Variants in ATP11A observed in about 807,000 individuals in gnomAD.
The protein encoded by ATP11A is ATPase phospholipid transporting 11A.
ATP11A carries 81 observed loss-of-function variants against 154.4 expected under a neutral mutation model. That is an observed-to-expected ratio of 0.52 (90% CI 0.44 to 0.63). The LOEUF (loss-of-function observed/expected upper bound fraction) is 0.63. Ranked by LOEUF, ATP11A falls within the 30% of genes least tolerant of loss-of-function variation. The pLI is 0.00. For synonymous variants in ATP11A, 623 were observed against 585.9 expected, an observed-to-expected ratio of 1.06 and a Z score of -0.91; for missense variants, 1,316 against 1,474.3, an observed-to-expected ratio of 0.89 and a Z score of 1.76.
chr13:112,852,824 C>A (rs2079809676), intron 18 of ATP11A, among the ~76,000 whole-genome samples: 2 of 151,228 alleles, frequency 1.3e-5, no homozygotes, highest in African/African-American at 4.9e-5. Context: ...ATGATACTTG[C>A]TTATAAATTA....
intron 17 of ATP11A, among the ~76,000 whole-genome samples, chr13:112,844,404 C>G (rs917519602): frequency 1.3e-5 from 2 of 152,218 alleles, no homozygotes; most frequent in Non-Finnish European, 2.9e-5. Context: ...GGCATTGACA[C>G]ACGAACACAC....
At chr13:112,706,086 C>A (rs1256382922) in intron 1 of ATP11A, among the ~76,000 whole-genome samples, 1 of 152,022 alleles carries the variant, frequency 6.6e-6, no homozygotes, top group Admixed American at 6.6e-5. Context: ...GGGCAACACT[C>A]TTTTTTTTCA....
At chr13:112,858,489 A>G (rs2080001330) in intron 22 of ATP11A, 199 bp downstream of exon 22, 1 of 539,250 alleles carries the variant, frequency 1.9e-6, no homozygotes, top group Non-Finnish European at 3.1e-6. Flanking sequence ...TCCATTACCT[A>G]CAGTCAACCC....
At chr13:112,819,033 A>G (rs1328375497) in intron 6 of ATP11A, among the ~76,000 whole-genome samples, 3 of 152,256 alleles carry the variant, frequency 2.0e-5, no homozygotes, top group African/African-American at 7.2e-5. Flanking sequence ...ACTATGACAG[A>G]TAAATCAGTG....
chr13:112,852,252 A>C (rs1220670162), intron 18 of ATP11A, among the ~76,000 whole-genome samples: 1 of 152,246 alleles, frequency 6.6e-6, no homozygotes, highest in East Asian at 1.9e-4. Context: ...CTCCTAGAAG[A>C]GGTTAAAGGC....
intron 20 of ATP11A, 96 bp downstream of exon 20, chr13:112,856,181 T>A: frequency 8.0e-7 from 1 of 1,244,722 alleles, no homozygotes; most frequent in Non-Finnish European, 1.1e-6. Flanking sequence ...TTAAACAATC[T>A]AGCAGGGTAC....
At position 112,756,902 on chromosome 13, in the gene ATP11A, C is replaced by CCCGGG. The variant is rs1413992281; in HGVS notation, c.40-28233_40-28232insCCGGG. On this transcript the variant is annotated intron_variant, in intron 1 of 29. Transcript: ENST00000375645. Reference sequence around the variant, plus strand: ...CTCCCAGCACGGGGCCTGCTCCCAGCGCGGGGCCTGCTCCTAACGCATCCA... The same window carrying CCCGGG: ...CTCCCAGCACGGGGCCTGCTCCCAGCCCGGGGCGGGGCCTGCTCCTAACGCATCCA... Among the ~76,000 whole-genome samples the CCCGGG allele has an allele frequency of 1.8e-3, 277 of 152,142 alleles. 5 individuals carry two copies. The East Asian group carries it at 0.029, about 16-fold the overall frequency.
At chr13:112,693,413 C>A (rs1301547491) in intron 1 of ATP11A, among the ~76,000 whole-genome samples, 1 of 134,576 alleles carries the variant, frequency 7.4e-6, no homozygotes, top group Admixed American at 7.5e-5. Context: ...TATGTGCTGT[C>A]GGGGGCGTGA....
chr13:112,711,655 A>C (rs974333273), intron 1 of ATP11A, among the ~76,000 whole-genome samples: 1 of 152,202 alleles, frequency 6.6e-6, no homozygotes, highest in East Asian at 1.9e-4. Context: ...GCGTTGAGCC[A>C]GGGGTCAGGG....
chr13:112,748,161 A>T (rs536929624), intron 1 of ATP11A, among the ~76,000 whole-genome samples: 1 of 152,330 alleles, frequency 6.6e-6, no homozygotes, highest in African/African-American at 2.4e-5. Context: ...GTATCTCATG[A>T]TGCATATGCA....
chr13:112,714,875 GC>G (rs978006220), intron 1 of ATP11A, among the ~76,000 whole-genome samples: 1 of 152,076 alleles, frequency 6.6e-6, no homozygotes, highest in African/African-American at 2.4e-5. Flanking sequence ...CATCACCACT[GC>G]CCCCCCGCAG....
intron 2 of ATP11A, among the ~76,000 whole-genome samples, chr13:112,796,276 C>T (rs2077996552): frequency 6.6e-6 from 1 of 152,156 alleles, no homozygotes; most frequent in African/African-American, 2.4e-5. Flanking sequence ...AGAAGGATGG[C>T]CTCCCACAGA....
Position 112,729,549 on chromosome 13 carries a change from GGAGTGTCTTACTCATCC to G in ATP11A, c.39+39101_39+39117del, listed in dbSNP as rs1473943779. ...GTCCCCACCTTGGCATTGCAGGCCC[GGAGTGTCTTACTCATCC>G]GAGTGTGAACAATGTTGGAAGGCAC... On this transcript the variant is annotated intron_variant, in intron 1 of 29. Coordinates refer to ENST00000375645, the MANE Select transcript of ATP11A (RefSeq NM_015205.3). Among the ~76,000 whole-genome samples the G allele has an allele frequency of 3.8e-3, 581 of 151,546 alleles. 3 individuals are homozygous for G. Among genetic ancestry groups the G allele is most frequent in the African/African-American group, 0.013 (548 of 41,242 alleles).
intron 18 of ATP11A, 138 bp downstream of exon 18, chr13:112,851,356 T>C (rs1306485820): frequency 7.8e-6 from 6 of 768,640 alleles, no homozygotes; most frequent in Non-Finnish European, 1.2e-5. Context: ...AGGGAGAGGC[T>C]AGGTGTCTTG....
intron 1 of ATP11A, among the ~76,000 whole-genome samples, chr13:112,774,884 G>A (rs1439890364): frequency 3.3e-5 from 5 of 152,246 alleles, no homozygotes; most frequent in Non-Finnish European, 5.9e-5. Flanking sequence ...GAAGAGCGTC[G>A]TTGGCGTGCG....
intron 1 of ATP11A, among the ~76,000 whole-genome samples, chr13:112,727,901 C>T (rs1390680520): frequency 1.3e-5 from 2 of 152,182 alleles, no homozygotes; most frequent in African/African-American, 2.4e-5. Flanking sequence ...ACATGCGTTG[C>T]GGAATCGAAT....
intron 1 of ATP11A, among the ~76,000 whole-genome samples, chr13:112,765,128 G>A (rs983941136): frequency 1.3e-5 from 2 of 151,256 alleles, no homozygotes; most frequent in African/African-American, 4.9e-5. Flanking sequence ...AAAGTGCGTT[G>A]ACAGTGGCTG....
At chr13:112,776,820 C>T (rs1297527630) in intron 1 of ATP11A, among the ~76,000 whole-genome samples, 3 of 152,200 alleles carry the variant, frequency 2.0e-5, no homozygotes, top group Admixed American at 6.5e-5. Context: ...TGGTTTCAAA[C>T]TCCTGACCTC....
chr13:112,870,420 C>T (rs560602380), intron 25 of ATP11A, among the ~76,000 whole-genome samples: 75 of 152,308 alleles, frequency 4.9e-4, no homozygotes, highest in African/African-American at 1.7e-3. Context: ...GCTCTGTCGC[C>T]CACGTTGGAG....
Sources: gnomAD v4.1 joint callset for allele counts (sites outside exome capture counted in the v4.1 genomes callset) on GRCh38, gnomAD v4.1.1 for gene constraint, MANE v1.5 for transcripts, NCBI Gene and HGNC (gene_info 2026-07-23, HGNC 2026-07-21) for gene names.